Variants in RYR2 observed in about 807,000 individuals in gnomAD.
RYR2 encodes the protein cardiac muscle ryanodine receptor-calcium release channel.
Under a neutral mutation model 601.1 loss-of-function variants are expected in RYR2, and 227 were observed. The observed-to-expected ratio is 0.38, with a 90% confidence interval of 0.34 to 0.42. RYR2 has a LOEUF of 0.42. Among genes scored for constraint, RYR2 ranks in the 10% least tolerant of loss-of-function variants. The pLI is 1.00. For missense variants in RYR2, 4,646 were observed against 6,156.5 expected, an observed-to-expected ratio of 0.75 and a Z score of 8.21; for synonymous variants, 2,223 against 2,175.1, an observed-to-expected ratio of 1.02 and a Z score of -0.61.
At chr1:237,579,720 G>A (rs1314639676) in intron 29 of RYR2, among the ~76,000 whole-genome samples, 1 of 152,114 alleles carries the variant, frequency 6.6e-6, no homozygotes, top group Non-Finnish European at 1.5e-5. Context: ...TAATTAACAT[G>A]TCATATGCTC....
intron 68 of RYR2, among the ~76,000 whole-genome samples, chr1:237,708,133 T>G (rs1688536071): frequency 1.3e-5 from 2 of 151,992 alleles, no homozygotes; most frequent in South Asian, 4.2e-4. Flanking sequence ...GAAATACTCA[T>G]ATTATGAAGG....
chr1:237,559,420 A>G (rs1303522578), intron 27 of RYR2, among the ~76,000 whole-genome samples: 1 of 152,034 alleles, frequency 6.6e-6, no homozygotes, highest in Non-Finnish European at 1.5e-5. Context: ...CTAATTTTGT[A>G]TTTTTAGTAG....
intron 12 of RYR2, among the ~76,000 whole-genome samples, chr1:237,428,942 A>ACACACCT (rs1706495105): frequency 6.6e-6 from 1 of 152,018 alleles, no homozygotes; most frequent in South Asian, 2.1e-4. Context: ...CACACACACC[A>ACACACCT]CACACCTCAC....
At chr1:237,449,155 A>G (rs1031466590) in intron 14 of RYR2, among the ~76,000 whole-genome samples, 3 of 151,770 alleles carry the variant, frequency 2.0e-5, no homozygotes, top group Non-Finnish European at 4.4e-5. Context: ...TCATTGTCCC[A>G]TTTCCTCCTT....
At chr1:237,250,694 C>G (rs1249726170) in intron 1 of RYR2, among the ~76,000 whole-genome samples, 1 of 152,174 alleles carries the variant, frequency 6.6e-6, no homozygotes, top group Non-Finnish European at 1.5e-5. Context: ...TTTACCTTTG[C>G]TCCTATCTGA....
At chr1:237,219,238 G>A (rs187715357) in intron 1 of RYR2, among the ~76,000 whole-genome samples, 151 of 151,948 alleles carry the variant, frequency 9.9e-4, no homozygotes, top group African/African-American at 3.6e-3. Flanking sequence ...GGCTGGTCTC[G>A]AACTCCTGAC....
intron 25 of RYR2, among the ~76,000 whole-genome samples, chr1:237,531,983 C>CT (rs1668179043): frequency 6.6e-6 from 1 of 152,100 alleles, no homozygotes; most frequent in East Asian, 1.9e-4. Flanking sequence ...GTATATTATG[C>CT]TAATAATCAA....
intron 29 of RYR2, among the ~76,000 whole-genome samples, chr1:237,578,511 GC>G (rs1204187854): frequency 6.6e-6 from 1 of 152,194 alleles, no homozygotes; most frequent in African/African-American, 2.4e-5. Context: ...TTCTCTGGAA[GC>G]CTATTTCCAA....
At chr1:237,423,008 G>T (rs1705750692) in intron 11 of RYR2, 84 bp from the exon 12 acceptor site, 1 of 1,456,324 alleles carries the variant, frequency 6.9e-7, no homozygotes, top group Admixed American at 2.3e-5. Flanking sequence ...ATATATGACT[G>T]TTCATTGTCC....
At chr1:237,387,524 G>T in intron 9 of RYR2, 144 bp downstream of exon 9, 1 of 699,590 alleles carries the variant, frequency 1.4e-6, no homozygotes, top group South Asian at 2.0e-5. Context: ...GACATTTGAG[G>T]ATCTTGTTTA....
In RYR2 at chr1:237,380,359, AATATATATATATATATATATATATATAT is replaced by A. The variant is rs57204036; in HGVS notation, c.576+2960_576+2987del. ...GCACACTTGCCTTGTAGAATACACA[AATATATATATATATATATATATATATAT>A]ATATATATATATATATATATATATA... On this transcript the variant is annotated intron_variant, in intron 8 of 104. Coordinates refer to ENST00000366574, the MANE Select transcript of RYR2 (RefSeq NM_001035.3). Among the ~76,000 whole-genome samples, 204 of 29,324 alleles carry A rather than the reference AATATATATATATATATATATATATATAT, an allele frequency of 7.0e-3. 5 individuals are homozygous for A. The highest frequency in any genetic ancestry group is 9.3e-3 in the South Asian group (7 of 754). 19.2% of individuals were successfully genotyped at this position (29,324 alleles called of 152,430 possible). A position where few individuals can be genotyped will look rare whatever the true frequency, so the allele number is the denominator to read the frequency against.
At chr1:237,563,174 G>A (rs1172425255) in intron 27 of RYR2, among the ~76,000 whole-genome samples, 2 of 152,106 alleles carry the variant, frequency 1.3e-5, no homozygotes, top group Non-Finnish European at 2.9e-5. Flanking sequence ...TTGGGAGGCT[G>A]AGGCTGGTGG....
chr1:237,449,106 A>G (rs539062304), intron 14 of RYR2, among the ~76,000 whole-genome samples: 2 of 152,194 alleles, frequency 1.3e-5, no homozygotes, highest in Admixed American at 6.5e-5. Context: ...GCGTGAGAGC[A>G]TATGGGTTAC....
At chr1:237,514,579 C>A (rs1288278797) in intron 24 of RYR2, among the ~76,000 whole-genome samples, 2 of 152,108 alleles carry the variant, frequency 1.3e-5, no homozygotes, top group African/African-American at 2.4e-5. Flanking sequence ...ATACCATGCC[C>A]AATTCCAAGG....
chr1:237,830,713 T>C, intron 103 of RYR2, 83 bp downstream of exon 103: 1 of 665,272 alleles, frequency 1.5e-6, no homozygotes, highest in Non-Finnish European at 2.6e-6. Flanking sequence ...GAGGAAGTTT[T>C]TGTTTATTGT....
At chr1:237,608,221 T>C (rs1016599500) in intron 35 of RYR2, among the ~76,000 whole-genome samples, 7 of 152,118 alleles carry the variant, frequency 4.6e-5, no homozygotes, top group African/African-American at 1.7e-4. Flanking sequence ...AGGGCAGAAC[T>C]CTCAAGAATG....
chr1:237,809,115 T>TAACA (rs1339874680), intron 100 of RYR2, 80 bp downstream of exon 100: 18 of 1,271,698 alleles, frequency 1.4e-5, no homozygotes, highest in Non-Finnish European at 2.0e-5. Context: ...ATTTATTCTC[T>TAACA]AACAGTACAA....
At chr1:237,588,039 G>A (rs530407241) in intron 29 of RYR2, among the ~76,000 whole-genome samples, 4 of 152,152 alleles carry the variant, frequency 2.6e-5, no homozygotes, top group African/African-American at 9.6e-5. Flanking sequence ...TATTTGATTT[G>A]ATTTCTTTTT....
chr1:237,757,980 T>C (rs886875878), intron 82 of RYR2, among the ~76,000 whole-genome samples: 1 of 152,114 alleles, frequency 6.6e-6, no homozygotes, highest in Non-Finnish European at 1.5e-5. Flanking sequence ...TGTCAAAATA[T>C]CTGAAAACAT....
Sources: allele counts gnomAD v4.1 joint callset (sites outside exome capture counted in the v4.1 genomes callset), GRCh38; gene constraint gnomAD v4.1.1; transcripts MANE v1.5; gene names NCBI Gene and HGNC (gene_info 2026-07-23, HGNC 2026-07-21).